ADAMTS12: variants seen among roughly 807,000 people sequenced by gnomAD.
ADAMTS12 encodes ADAM metallopeptidase with thrombospondin type 1 motif 12.
In ADAMTS12, 118 loss-of-function variants were observed where a neutral mutation model predicts 167.8. The observed-to-expected ratio is 0.70, with a 90% CI of 0.61 to 0.82. ADAMTS12 has a LOEUF of 0.82. Among genes scored for constraint, ADAMTS12 ranks in the 40% least tolerant of loss-of-function variants. ADAMTS12 has a pLI of 0.00. For missense variants in ADAMTS12, 1,916 were observed against 1,998.8 expected (o/e 0.96, Z 0.79); for synonymous variants, 704 against 716.9 (o/e 0.98, Z 0.29).
intron 7 of ADAMTS12, among the ~76,000 whole-genome samples, chr5:33,654,093 A>G (rs1740957680): frequency 6.6e-6 from 1 of 151,974 alleles, no homozygotes; most frequent in Non-Finnish European, 1.5e-5. Flanking sequence ...TCTACTGTTG[A>G]GCCCTAGTGT....
At chr5:33,866,422 C>A (rs184893115) in intron 2 of ADAMTS12, among the ~76,000 whole-genome samples, 2 of 152,266 alleles carry the variant, frequency 1.3e-5, no homozygotes, top group Admixed American at 1.3e-4. Flanking sequence ...GGATCCCCAT[C>A]TCTCACCTTA....
chr5:33,592,674 A>C (rs1193279371), intron 17 of ADAMTS12, among the ~76,000 whole-genome samples: 2 of 152,176 alleles, frequency 1.3e-5, no homozygotes, highest in Admixed American at 6.5e-5. Flanking sequence ...GATAATCAAA[A>C]GTTTTTATTA....
At chr5:33,814,012 A>C (rs1202689848) in intron 2 of ADAMTS12, among the ~76,000 whole-genome samples, 1 of 152,220 alleles carries the variant, frequency 6.6e-6, no homozygotes, top group Non-Finnish European at 1.5e-5. Context: ...GCATATACTG[A>C]ATATGAATCC....
chr5:33,817,302 G>A (rs1258540469), intron 2 of ADAMTS12, among the ~76,000 whole-genome samples: 1 of 152,078 alleles, frequency 6.6e-6, no homozygotes. Context: ...GAAGAATCAG[G>A]TTTGGTTATC....
At chr5:33,604,670 C>T (rs966721833) in intron 16 of ADAMTS12, among the ~76,000 whole-genome samples, 4 of 152,006 alleles carry the variant, frequency 2.6e-5, no homozygotes, top group East Asian at 1.9e-4. Flanking sequence ...TCACTTTATC[C>T]GGTATATTGT....
At chr5:33,718,117 A>G (rs551612428) in intron 3 of ADAMTS12, among the ~76,000 whole-genome samples, 78 of 152,386 alleles carry the variant, frequency 5.1e-4, no homozygotes, top group Non-Finnish European at 9.4e-4. Context: ...ATAATATTTA[A>G]AAGTATAATA....
At chr5:33,693,466 A>G (rs1486249686) in intron 3 of ADAMTS12, among the ~76,000 whole-genome samples, 1 of 152,202 alleles carries the variant, frequency 6.6e-6, no homozygotes, top group Non-Finnish European at 1.5e-5. Flanking sequence ...TAATTATCTA[A>G]TTTCATAAAA....
chr5:33,663,338 C>G (rs934995538), intron 5 of ADAMTS12, among the ~76,000 whole-genome samples: 1 of 151,936 alleles, frequency 6.6e-6, no homozygotes, highest in Non-Finnish European at 1.5e-5. Context: ...GATTAACAGC[C>G]CTCCCTAGAT....
In ADAMTS12 at chr5:33,648,896, C is replaced by T. The variant is rs752212154; in HGVS notation, c.1405G>A (p.Gly469Arg). 14 of 1,613,882 alleles carry T rather than the reference C, an allele frequency of 8.7e-6. No homozygotes were observed. The highest frequency in any genetic ancestry group is 4.5e-5 in the East Asian group (2 of 44,870). Residue 469 changes from glycine (G) to arginine (R), a missense_variant, in exon 9 of 24, where the codon GGA becomes AGA. Physicochemically the swap from Gly to Arg is moderately radical, Grantham distance 125. Coordinates refer to ENST00000504830, the MANE Select transcript of ADAMTS12 (RefSeq NM_030955.4). Reference sequence around the variant, plus strand: ...TGGTGGTGAACATCATAGATCACTCCGGGGGCAATGACCTTGGACTTCAAG... The same window carrying T: ...TGGTGGTGAACATCATAGATCACTCTGGGGGCAATGACCTTGGACTTCAAG... ...KGLKSKVIAPGVIYDVHHQCQ... is the reference protein window; with the variant it reads ...KGLKSKVIAPRVIYDVHHQCQ...
chr5:33,680,312 G>A (rs1742061777), intron 5 of ADAMTS12, among the ~76,000 whole-genome samples: 1 of 152,142 alleles, frequency 6.6e-6, no homozygotes, highest in South Asian at 2.1e-4. Context: ...ACATGCCATG[G>A]AGATGCCCTG....
chr5:33,716,227 C>G (rs1169409891), intron 3 of ADAMTS12, among the ~76,000 whole-genome samples: 3 of 152,008 alleles, frequency 2.0e-5, no homozygotes, highest in African/African-American at 7.2e-5. Flanking sequence ...AGAAATGGTA[C>G]CATCTTTTAA....
At chr5:33,717,271 C>G (rs545193191) in intron 3 of ADAMTS12, among the ~76,000 whole-genome samples, 41 of 152,244 alleles carry the variant, frequency 2.7e-4, no homozygotes, top group African/African-American at 9.9e-4. Flanking sequence ...TAAACCACCC[C>G]TCTCTGCACC....
intron 2 of ADAMTS12, among the ~76,000 whole-genome samples, chr5:33,864,577 A>G (rs1377665457): frequency 2.0e-5 from 3 of 152,176 alleles, no homozygotes; most frequent in Non-Finnish European, 4.4e-5. Context: ...AGCAAAGACT[A>G]GGAACCAACC....
At chr5:33,595,103 T>A (rs1747850473) in intron 17 of ADAMTS12, among the ~76,000 whole-genome samples, 1 of 151,988 alleles carries the variant, frequency 6.6e-6, no homozygotes, top group African/African-American at 2.4e-5. Context: ...TCCTCTCCCT[T>A]TTTCCCTCCC....
chr5:33,707,002 G>A (rs74584068), intron 3 of ADAMTS12, among the ~76,000 whole-genome samples: 20,686 of 152,098 alleles, frequency 0.14, 1,683 homozygotes, highest in South Asian at 0.36. Flanking sequence ...TAGGAAGACA[G>A]GAAGTCAAAT....
intron 15 of ADAMTS12, among the ~76,000 whole-genome samples, 173 bp downstream of exon 15, chr5:33,615,655 T>G (rs931890347): frequency 6.6e-6 from 1 of 152,172 alleles, no homozygotes; most frequent in African/African-American, 2.4e-5. Flanking sequence ...TTCAGCAATA[T>G]CTAGGCAATA....
At chr5:33,881,724 G>T (rs1481449357) in intron 1 of ADAMTS12, among the ~76,000 whole-genome samples, 3 of 143,328 alleles carry the variant, frequency 2.1e-5, no homozygotes, top group African/African-American at 8.2e-5. Context: ...CACAACACCT[G>T]GCTAATTTTG....
chr5:33,757,548 T>A (rs1745208760), intron 2 of ADAMTS12, among the ~76,000 whole-genome samples: 1 of 152,172 alleles, frequency 6.6e-6, no homozygotes, highest in South Asian at 2.1e-4. Flanking sequence ...TCTCAGATGC[T>A]TTTTGAAGGA....
chr5:33,571,824 G>A (rs1746366444), intron 19 of ADAMTS12, among the ~76,000 whole-genome samples: 1 of 150,880 alleles, frequency 6.6e-6, no homozygotes, highest in Non-Finnish European at 1.5e-5. Flanking sequence ...TTTTTTGAAA[G>A]GATCAACAAA....
Sources: gnomAD v4.1 joint callset for allele counts (sites outside exome capture counted in the v4.1 genomes callset) on GRCh38, gnomAD v4.1.1 for gene constraint, MANE v1.5 for transcripts, NCBI Gene and HGNC (gene_info 2026-07-23, HGNC 2026-07-21) for gene names.